TIMM44: variants seen among roughly 807,000 people sequenced by gnomAD.
The protein encoded by TIMM44 is translocase of inner mitochondrial membrane 44.
TIMM44 carries 37 observed loss-of-function variants against 63.8 expected under a neutral mutation model. The observed-to-expected ratio is 0.58, with a 90% CI of 0.45 to 0.76. The LOEUF (loss-of-function observed/expected upper bound fraction) is 0.76, where lower values mean the gene tolerates loss of function less well. TIMM44 is among the 30% of genes least tolerant of loss of function. TIMM44 has a pLI of 0.00. For missense variants in TIMM44, 573 were observed against 603.8 expected (o/e 0.95, Z 0.54); for synonymous variants, 239 against 245.1 (o/e 0.98, Z 0.23).
intron 10 of TIMM44, among the ~76,000 whole-genome samples, chr19:7,929,544 T>C (rs1414351057): frequency 6.6e-6 from 1 of 152,168 alleles, no homozygotes; most frequent in Non-Finnish European, 1.5e-5. Flanking sequence ...GTTACCTCTG[T>C]GGGTTCCCTC....
chr19:7,934,359 G>A lies in TIMM44; in HGVS notation c.394-121C>T. 7.5e-7 allele frequency: 1 copy of A among 1,326,756 alleles called. No individual in the cohort carries two copies. The highest frequency in any genetic ancestry group is 1.7e-5 in the Admixed American group (1 of 57,448). The allele number at this position is 1,326,756 out of a possible 1,614,324, so 82.2% of individuals were successfully genotyped here. ...ATCTGGTTCCCCGAGGCCGGCAGAG[G>A]CCTTCTGTGCTCCTGTGGTACGCGG... On this transcript the variant is annotated intron_variant, in intron 4 of 12. Coordinates refer to ENST00000270538, the MANE Select transcript of TIMM44 (RefSeq NM_006351.4). This position sits in a 1 kb window ranked among gnomAD's most constrained non-coding sequence, Gnocchi z 5.3.
intron 10 of TIMM44, 31 bp from the exon 11 acceptor site, chr19:7,928,197 T>C (rs1244944046): frequency 1.3e-6 from 2 of 1,593,194 alleles, no homozygotes; most frequent in Non-Finnish European, 1.7e-6. Context: ...GCCTGCGTGA[T>C]GCCACCCAGG....
chr19:7,928,209 TG>T, intron 10 of TIMM44, 43 bp from the exon 11 acceptor site: 1 of 1,536,744 alleles, frequency 6.5e-7, no homozygotes, highest in Non-Finnish European at 9.0e-7. Flanking sequence ...CCACCCAGGG[TG>T]GGCACCACGC....
In TIMM44 at chr19:7,943,136, T is replaced by C. The variant is rs2057751064; in HGVS notation, c.45+471A>G. On this transcript the variant is annotated intron_variant, in intron 1 of 12. Coordinates refer to ENST00000270538, the MANE Select transcript of TIMM44 (RefSeq NM_006351.4). The surrounding 1 kb of genome is among the most constrained non-coding windows in gnomAD (Gnocchi z 4.3). ...GCGCCTTACACGTCTTGACTGCCAC[T>C]GCCCTGTGGACCCAAGAGCCTGCTA... Among the ~76,000 whole-genome samples the C allele has an allele frequency of 6.6e-6, 1 of 151,936 alleles. No homozygotes were observed. The highest frequency in any genetic ancestry group is 1.5e-5 in the Non-Finnish European group (1 of 68,012).
chr19:7,934,353 G>A lies in TIMM44; in HGVS notation c.394-115C>T. On this transcript the variant is annotated intron_variant, in intron 4 of 12. Transcript: ENST00000270538. This position sits in a 1 kb window ranked among gnomAD's most constrained non-coding sequence, Gnocchi z 5.3. ...GGGCGGATCTGGTTCCCCGAGGCCG[G>A]CAGAGGCCTTCTGTGCTCCTGTGGT... 1.4e-6 allele frequency: 2 copies of A among 1,392,016 alleles called. No individual in the cohort carries two copies. Among genetic ancestry groups the A allele is most frequent in the Non-Finnish European group, 2.0e-6 (2 of 997,860 alleles). The allele number at this position is 1,392,016 out of a possible 1,614,324, so 86.2% of individuals were successfully genotyped here. A position where few individuals can be genotyped will look rare whatever the true frequency, so the allele number is the denominator to read the frequency against.
In TIMM44 at chr19:7,933,986, C is replaced by T. The variant is rs1430959724; in HGVS notation, c.561G>A (p.Lys187=). Residue 187 remains lysine (K), a synonymous_variant, in exon 6 of 13, where the codon AAG becomes AAA. Coordinates refer to ENST00000270538, the MANE Select transcript of TIMM44 (RefSeq NM_006351.4). This position sits in a 1 kb window ranked among gnomAD's most constrained non-coding sequence, Gnocchi z 4.3. ...CCAGGACGCTGTCGTCAATTTCCTT[C>T]TTCACGGACTCCACCCCCTGCGAGG... ...RALSQGVESV[K]KEIDDSVLGQ... 10 of 1,613,942 alleles carry T rather than the reference C, an allele frequency of 6.2e-6. No homozygotes were observed. Among genetic ancestry groups the T allele is most frequent in the Non-Finnish European group, 8.5e-6 (10 of 1,180,034 alleles).
At position 7,941,067 on chromosome 19, in the gene TIMM44, T is replaced by C. The variant is rs747429394; in HGVS notation, c.141+35A>G. The C allele has an allele frequency of 5.7e-6, 9 of 1,573,672 alleles. No homozygotes were observed. In the South Asian group the frequency reaches 7.8e-5, roughly 14 times the overall value. ...GGGATCTGAATTTTCGGGCCTCCCCTGTGTCTGCTGGCCCGAGCATCCTGA... is the reference window on the plus strand; with the variant it reads ...GGGATCTGAATTTTCGGGCCTCCCCCGTGTCTGCTGGCCCGAGCATCCTGA... On this transcript the variant is annotated intron_variant, in intron 2 of 12. Transcript: ENST00000270538.
At position 7,929,343 on chromosome 19, in the gene TIMM44, C is replaced by A. The variant is rs373214384; in HGVS notation, c.1039-1177G>T. On this transcript the variant is annotated intron_variant, in intron 10 of 12. Transcript: ENST00000270538. ...GGCCTCATCAGGACACAGCTCCTTC[C>A]TGGTGTGGGAAGACTATCGATGTTT... Among the ~76,000 whole-genome samples the A allele has an allele frequency of 1.3e-4, 20 of 152,324 alleles. No individual in the cohort carries two copies. In the South Asian group the frequency reaches 2.9e-3, roughly 22 times the overall value.
In TIMM44 at chr19:7,943,026, G is replaced by C. The variant is rs918741665; in HGVS notation, c.45+581C>G. Among the ~76,000 whole-genome samples, 8 of 140,658 alleles carry C rather than the reference G, an allele frequency of 5.7e-5. No individual in the cohort carries two copies. The highest frequency in any genetic ancestry group is 1.2e-4 in the Non-Finnish European group (8 of 66,010). 92.3% of individuals were successfully genotyped at this position (140,658 alleles called of 152,430 possible). A position where few individuals can be genotyped will look rare whatever the true frequency, so the allele number is the denominator to read the frequency against. ...TTGCACTCCAGACTGGGCGACAAGA[G>C]CGAAACTCTGTCTCAAAAAAAAAAA... On this transcript the variant is annotated intron_variant, in intron 1 of 12. Transcript: ENST00000270538. This position sits in a 1 kb window ranked among gnomAD's most constrained non-coding sequence, Gnocchi z 4.3.
intron 3 of TIMM44, among the ~76,000 whole-genome samples, chr19:7,937,133 G>T (rs945186902): frequency 1.3e-5 from 2 of 151,520 alleles, no homozygotes; most frequent in East Asian, 3.9e-4. Context: ...CAACAAATCA[G>T]CTGGGTGTGG....
chr19:7,931,226 G>T, intron 9 of TIMM44, 38 bp from the exon 10 acceptor site: 1 of 1,585,976 alleles, frequency 6.3e-7, no homozygotes, highest in South Asian at 1.1e-5. Flanking sequence ...GAACGAGAGT[G>T]GGCTTTTCAG....
chr19:7,939,037 AG>A (rs71179161), intron 2 of TIMM44, among the ~76,000 whole-genome samples: 151,908 of 151,908 alleles, frequency 1, 75,954 homozygotes, highest in Non-Finnish European at 1. Flanking sequence ...TGAGATGAGT[AG>A]GGGGGAACAC....
intron 3 of TIMM44, among the ~76,000 whole-genome samples, chr19:7,936,863 G>A (rs1056244643): frequency 3.9e-5 from 6 of 151,926 alleles, no homozygotes; most frequent in African/African-American, 1.5e-4. Flanking sequence ...CACTTTGGAA[G>A]GCCAAGGCAG....
Position 7,943,597 on chromosome 19 carries a change from C to G in TIMM44, c.45+10G>C, listed in dbSNP as rs1480468828. ...TAAGCTCGCCCTGCCAGCGCCGCAC[C>G]GCCGCTCACCCGTGGACAGCGGCAC... On this transcript the variant is annotated intron_variant, in intron 1 of 12. Coordinates refer to ENST00000270538, the MANE Select transcript of TIMM44 (RefSeq NM_006351.4). This position sits in a 1 kb window ranked among gnomAD's most constrained non-coding sequence, Gnocchi z 4.3. 2 of 1,562,940 alleles carry G rather than the reference C, an allele frequency of 1.3e-6. No homozygotes were observed. Among genetic ancestry groups the G allele is most frequent in the Non-Finnish European group, 1.7e-6 (2 of 1,160,732 alleles).
chr19:7,930,401 C>G (rs933343116), intron 10 of TIMM44, among the ~76,000 whole-genome samples: 2 of 149,884 alleles, frequency 1.3e-5, no homozygotes, highest in East Asian at 4.0e-4. Context: ...CTCCACCTCC[C>G]GGATTTAAGC....
intron 9 of TIMM44, 103 bp from the exon 10 acceptor site, chr19:7,931,291 T>C: frequency 2.7e-6 from 3 of 1,094,232 alleles, no homozygotes; most frequent in Non-Finnish European, 4.2e-6. Context: ...GGGAGTTTCC[T>C]CAGACACCCC....
At chr19:7,928,915 C>CA (rs1324988570) in intron 10 of TIMM44, 34 of 35,824 alleles carry the variant, frequency 9.5e-4, no homozygotes, top group African/African-American at 3.7e-3. Flanking sequence ...AAAAACAAAA[C>CA]AAAAAACCAA....
rs1314741674 is a variant in TIMM44, at chr19:7,943,300, G to C, written c.45+307C>G. 6.6e-6 allele frequency among the ~76,000 whole-genome samples: 1 copy of C among 151,966 alleles called. No individual in the cohort carries two copies. ...TGCCTTCCCCTCTACTTTTTTCCAC[G>C]GGACGCCGCCGCCCCGGCTACCATT... On this transcript the variant is annotated intron_variant, in intron 1 of 12. Coordinates refer to ENST00000270538, the MANE Select transcript of TIMM44 (RefSeq NM_006351.4). The surrounding 1 kb of genome is among the most constrained non-coding windows in gnomAD (Gnocchi z 4.3).
intron 2 of TIMM44, among the ~76,000 whole-genome samples, chr19:7,938,808 A>T (rs976321725): frequency 1.3e-5 from 2 of 149,378 alleles, no homozygotes; most frequent in Non-Finnish European, 2.9e-5. Flanking sequence ...CTCCATCTCA[A>T]ATAAAATAAA....
Sources: allele counts gnomAD v4.1 joint callset (sites outside exome capture counted in the v4.1 genomes callset), GRCh38; gene constraint gnomAD v4.1.1; non-coding constraint Gnocchi (gnomAD v3.1); transcripts MANE v1.5; gene names NCBI Gene and HGNC (gene_info 2026-07-23, HGNC 2026-07-21).